The following UBE2Z variants were observed in gnomAD, a reference collection of about 807,000 sequenced individuals.
The protein encoded by UBE2Z is ubiquitin-conjugating enzyme E2 Z.
In UBE2Z, 10 loss-of-function variants were observed where a neutral mutation model predicts 32.6. That is an observed-to-expected ratio of 0.31 (90% CI 0.19 to 0.52). UBE2Z has a LOEUF of 0.52. Among genes scored for constraint, UBE2Z ranks in the 20% least tolerant of loss-of-function variants. The pLI is 0.97. For missense variants in UBE2Z, 343 were observed against 480.9 expected, an observed-to-expected ratio of 0.71 and a Z score of 2.68; for synonymous variants, 183 against 190.8, an observed-to-expected ratio of 0.96 and a Z score of 0.34.
At chr17:48,922,725 C>A in intron 5 of UBE2Z, 122 bp from the exon 6 acceptor site, 1 of 620,702 alleles carries the variant, frequency 1.6e-6, no homozygotes, top group Non-Finnish European at 2.8e-6. Context: ...TGAGGTTGCA[C>A]CACTGCACTC....
At chr17:48,918,479 G>A (rs541425723) in intron 4 of UBE2Z, among the ~76,000 whole-genome samples, 28 of 149,608 alleles carry the variant, frequency 1.9e-4, no homozygotes, top group South Asian at 6.4e-4. Flanking sequence ...GACTACAGGC[G>A]CACACCACCA....
intron 4 of UBE2Z, among the ~76,000 whole-genome samples, chr17:48,919,148 GCTGATTTTTGTATTTTTAGTAGAGAC>G: frequency 6.6e-6 from 1 of 151,570 alleles, no homozygotes; most frequent in African/African-American, 2.4e-5. Context: ...ACCACACCCA[GCTGATTTTTGTATTTTTAGTAGAGAC>G]GGGGTTTCAC....
At chr17:48,917,033 G>A (rs949043842) in intron 4 of UBE2Z, among the ~76,000 whole-genome samples, 1 of 144,886 alleles carries the variant, frequency 6.9e-6, no homozygotes, top group African/African-American at 2.6e-5. Flanking sequence ...ATGGCCAGGC[G>A]CGGTGGCTCA....
intron 1 of UBE2Z, 182 bp from the exon 2 acceptor site, chr17:48,910,626 C>G (rs1323227086): frequency 9.7e-6 from 5 of 515,822 alleles, no homozygotes. Context: ...TGCTCTCTGC[C>G]TGCCTGACAA....
chr17:48,916,228 T>A, intron 4 of UBE2Z, 41 bp downstream of exon 4: 1 of 1,179,480 alleles, frequency 8.5e-7, no homozygotes, highest in Non-Finnish European at 1.2e-6. Flanking sequence ...TAGACTATTG[T>A]TTTTGTTTGT....
At chr17:48,921,078 C>T in intron 4 of UBE2Z, 82 bp from the exon 5 acceptor site, 1 of 1,107,460 alleles carries the variant, frequency 9.0e-7, no homozygotes, top group Non-Finnish European at 1.3e-6. Context: ...GCTGACATAC[C>T]CCATACTAAT....
intron 5 of UBE2Z, among the ~76,000 whole-genome samples, chr17:48,922,507 G>A (rs769584969): frequency 7.2e-5 from 11 of 152,256 alleles, no homozygotes; most frequent in South Asian, 2.1e-4. Context: ...GGTGGCTTGC[G>A]CCTGTAGTCC....
intron 3 of UBE2Z, among the ~76,000 whole-genome samples, 156 bp downstream of exon 3, chr17:48,913,177 C>G (rs540598131): frequency 7.8e-4 from 119 of 152,212 alleles, no homozygotes; most frequent in Non-Finnish European, 4.3e-4. Flanking sequence ...TGACTAGTAT[C>G]ATTCTAGATG....
Position 48,910,795 on chromosome 17 carries a change from T to A in UBE2Z, c.318-13T>A, listed in dbSNP as rs2040671743. The A allele has an allele frequency of 6.2e-7, 1 of 1,600,144 alleles. No homozygotes were observed. Among genetic ancestry groups the A allele is most frequent in the Admixed American group, 1.7e-5 (1 of 59,964 alleles). On this transcript the variant is annotated splice_polypyrimidine_tract_variant and intron_variant, in intron 1 of 6. Transcript: ENST00000360943. ...CCTCACTCCTTCCCCCACCTCCTCT[T>A]GGTGTTATACAGGGATATCATGTCC...
chr17:48,925,024 T>C (rs2040788372), intron 6 of UBE2Z, among the ~76,000 whole-genome samples: 1 of 151,884 alleles, frequency 6.6e-6, no homozygotes, highest in South Asian at 2.1e-4. Context: ...GGCTCATGCC[T>C]GTGATCCCAG....
At chr17:48,915,246 G>A (rs1344837319) in intron 3 of UBE2Z, among the ~76,000 whole-genome samples, 1 of 152,194 alleles carries the variant, frequency 6.6e-6, no homozygotes, top group Admixed American at 6.5e-5. Context: ...GCAGTCCCCA[G>A]TGAAGTTACT....
At chr17:48,918,061 C>G (rs576868391) in intron 4 of UBE2Z, among the ~76,000 whole-genome samples, 82 of 151,648 alleles carry the variant, frequency 5.4e-4, no homozygotes, top group Non-Finnish European at 1.9e-4. Flanking sequence ...CTCAGCCTCC[C>G]GAGTAGCTGG....
chr17:48,917,793 G>C (rs1212164738), intron 4 of UBE2Z, among the ~76,000 whole-genome samples: 1 of 152,128 alleles, frequency 6.6e-6, no homozygotes, highest in Non-Finnish European at 1.5e-5. Flanking sequence ...ACACAGATCA[G>C]GATAGGACCC....
rs2040813431 is a variant in UBE2Z, at chr17:48,928,583, G to C, written c.*1449G>C. ...CCTTGTGGATCATGGGACTCCCCTT[G>C]GAGGATCTGTGCAAAGGGGGGCTGG... On this transcript the variant is annotated 3_prime_UTR_variant, in exon 7 of 7. Coordinates refer to ENST00000360943, the MANE Select transcript of UBE2Z (RefSeq NM_023079.5). 1.3e-5 allele frequency: 2 copies of C among 152,784 alleles called. No individual in the cohort carries two copies. The highest frequency in any genetic ancestry group is 4.1e-4 in the South Asian group (2 of 4,832). 9.5% of individuals were successfully genotyped at this position (152,784 alleles called of 1,614,324 possible).
At chr17:48,923,764 ACT>A (rs1439622896) in intron 6 of UBE2Z, among the ~76,000 whole-genome samples, 2 of 145,454 alleles carry the variant, frequency 1.4e-5, no homozygotes, top group Non-Finnish European at 3.0e-5. Flanking sequence ...GCAGGTTCTC[ACT>A]CTGTTACTCA....
At chr17:48,922,416 G>C (rs1164674930) in intron 5 of UBE2Z, among the ~76,000 whole-genome samples, 1 of 152,044 alleles carries the variant, frequency 6.6e-6, no homozygotes, top group Non-Finnish European at 1.5e-5. Context: ...AAAATGAAAA[G>C]ATCTTTGTAG....
At chr17:48,909,863 T>C (rs117775380) in intron 1 of UBE2Z, among the ~76,000 whole-genome samples, 1 of 152,110 alleles carries the variant, frequency 6.6e-6, no homozygotes, top group Non-Finnish European at 1.5e-5. Flanking sequence ...CTTTTCAAGG[T>C]TGTAATAAAA....
intron 3 of UBE2Z, 28 bp downstream of exon 3, chr17:48,913,049 T>C: frequency 6.2e-7 from 1 of 1,606,746 alleles, no homozygotes; most frequent in Non-Finnish European, 8.5e-7. Context: ...AGTAGCCAAG[T>C]CGGTTGTTAG....
At chr17:48,911,812 AG>A (rs2040680005) in intron 2 of UBE2Z, 1 of 152,244 alleles carries the variant, frequency 6.6e-6, no homozygotes, top group African/African-American at 2.4e-5. Flanking sequence ...ACTGAGAGCC[AG>A]AATATGACGT....
Sources: gnomAD v4.1 joint callset for allele counts (sites outside exome capture counted in the v4.1 genomes callset) on GRCh38, gnomAD v4.1.1 for gene constraint, MANE v1.5 for transcripts, NCBI Gene and HGNC (gene_info 2026-07-23, HGNC 2026-07-21) for gene names.